The following PATJ variants were observed in gnomAD, a reference collection of about 807,000 sequenced individuals.
The protein encoded by PATJ is inaD-like protein.
A neutral mutation model predicts 224.9 loss-of-function variants in PATJ; 190 were observed. The ratio of observed to expected loss-of-function variants is 0.84; its 90% CI spans 0.75 to 0.95. The LOEUF is 0.95. Ranked by LOEUF, PATJ falls within the 40% of genes least tolerant of loss-of-function variation. The probability of loss-of-function intolerance (pLI) is 0.00; values close to 1 mark genes in which losing one functional copy is unlikely to be tolerated. For synonymous variants in PATJ, 769 were observed against 820.3 expected (o/e 0.94, Z 1.07); for missense variants, 2,121 against 2,270.3 (o/e 0.93, Z 1.34).
At chr1:61,900,226 T>A (rs1262785135) in intron 23 of PATJ, among the ~76,000 whole-genome samples, 2 of 152,216 alleles carry the variant, frequency 1.3e-5, no homozygotes, top group African/African-American at 4.8e-5. Flanking sequence ...TTAATGGATA[T>A]CTCCACCCAA....
At chr1:62,145,366 G>A (rs1441317515) in intron 41 of PATJ, among the ~76,000 whole-genome samples, 1 of 152,180 alleles carries the variant, frequency 6.6e-6, no homozygotes, top group Non-Finnish European at 1.5e-5. Flanking sequence ...AGTGATGGTG[G>A]TAAGAAGGAA....
intron 43 of PATJ, among the ~76,000 whole-genome samples, chr1:62,157,933 A>G (rs1041902526): frequency 9.4e-5 from 14 of 148,786 alleles, no homozygotes; most frequent in African/African-American, 3.4e-4. Context: ...TGACCTAAAC[A>G]CTTCAGCAAC....
intron 33 of PATJ, among the ~76,000 whole-genome samples, chr1:62,106,065 T>A (rs12164645): frequency 0.13 from 2,353 of 18,044 alleles, 155 homozygotes; most frequent in Non-Finnish European, 0.15. Flanking sequence ...AAAAAAAAAA[T>A]ATATATATAT....
At chr1:62,067,672 G>A (rs1375688621) in intron 31 of PATJ, among the ~76,000 whole-genome samples, 1 of 152,208 alleles carries the variant, frequency 6.6e-6, no homozygotes, top group African/African-American at 2.4e-5. Context: ...TTTTGCAAAG[G>A]CAGCTTCAGC....
intron 1 of PATJ, among the ~76,000 whole-genome samples, chr1:61,744,179 G>A (rs1210854491): frequency 2.0e-5 from 3 of 151,044 alleles, no homozygotes; most frequent in Non-Finnish European, 4.4e-5. Context: ...GGTGTGTCGG[G>A]AGGTTGAGGC....
chr1:61,977,214 C>A (rs547239860), intron 27 of PATJ, among the ~76,000 whole-genome samples: 1 of 151,968 alleles, frequency 6.6e-6, no homozygotes, highest in East Asian at 1.9e-4. Flanking sequence ...CAGCCACCCG[C>A]GGAGCTGGGA....
intron 33 of PATJ, among the ~76,000 whole-genome samples, chr1:62,104,618 A>G (rs1662657570): frequency 6.6e-6 from 1 of 152,148 alleles, no homozygotes; most frequent in African/African-American, 2.4e-5. Flanking sequence ...GCCGTTTTCT[A>G]TTGACAGGTC....
chr1:61,791,567 A>G (rs942751230), intron 9 of PATJ, 120 bp downstream of exon 9: 7 of 571,406 alleles, frequency 1.2e-5, no homozygotes, highest in Middle Eastern at 4.7e-4. Flanking sequence ...CCATGAGTCT[A>G]TACTAGCAAG....
At chr1:61,880,522 T>A (rs1667948344) in intron 21 of PATJ, among the ~76,000 whole-genome samples, 1 of 152,224 alleles carries the variant, frequency 6.6e-6, no homozygotes, top group African/African-American at 2.4e-5. Flanking sequence ...AGAACTTTTT[T>A]TCTTTGTTAC....
chr1:61,788,672 T>G (rs917455568), intron 8 of PATJ, among the ~76,000 whole-genome samples: 4 of 151,216 alleles, frequency 2.6e-5, no homozygotes, highest in African/African-American at 9.8e-5. Context: ...GTTTGTTTTG[T>G]TTTGTTTTGT....
chr1:61,833,846 G>A (rs1382819828), intron 17 of PATJ, 61 bp downstream of exon 17: 5 of 1,492,702 alleles, frequency 3.3e-6, no homozygotes, highest in African/African-American at 1.4e-5. Context: ...AAAGTTATGG[G>A]AAGTAGCAAT....
At chr1:61,938,675 C>T (rs985003852) in intron 27 of PATJ, among the ~76,000 whole-genome samples, 3 of 151,786 alleles carry the variant, frequency 2.0e-5, no homozygotes, top group African/African-American at 7.3e-5. Context: ...CATAGTGAGA[C>T]CTCATCTCTG....
At chr1:61,875,561 A>C (rs1219218924) in intron 21 of PATJ, 195 bp downstream of exon 21, 7 of 434,776 alleles carry the variant, frequency 1.6e-5, no homozygotes, top group Non-Finnish European at 2.9e-5. Context: ...TAGAGTTTTC[A>C]GATTCTGTTT....
intron 27 of PATJ, among the ~76,000 whole-genome samples, chr1:61,932,686 G>T (rs1294599337): frequency 6.6e-6 from 1 of 152,120 alleles, no homozygotes; most frequent in Non-Finnish European, 1.5e-5. Context: ...GATCACCTGA[G>T]GTCAGGAGTT....
chr1:62,117,385 G>A (rs1664556875), intron 37 of PATJ, 167 bp downstream of exon 37: 1 of 1,416,466 alleles, frequency 7.1e-7, no homozygotes, highest in Non-Finnish European at 9.2e-7. Flanking sequence ...AAGGTGGGAT[G>A]GAAATTCATT....
intron 21 of PATJ, among the ~76,000 whole-genome samples, chr1:61,876,930 T>C (rs1213280868): frequency 6.6e-6 from 1 of 152,260 alleles, no homozygotes; most frequent in Non-Finnish European, 1.5e-5. Flanking sequence ...TTTGCATAAT[T>C]AATAATGTAA....
At chr1:62,062,879 T>C (rs1655797590) in intron 31 of PATJ, among the ~76,000 whole-genome samples, 1 of 152,176 alleles carries the variant, frequency 6.6e-6, no homozygotes, top group Non-Finnish European at 1.5e-5. Flanking sequence ...TGTTGATTTG[T>C]TGAAGTTCCT....
At chr1:62,120,436 T>C (rs1664910743) in intron 37 of PATJ, among the ~76,000 whole-genome samples, 2 of 152,340 alleles carry the variant, frequency 1.3e-5, no homozygotes, top group South Asian at 4.1e-4. Flanking sequence ...CAGAATAATT[T>C]GGTAGAAAAA....
chr1:61,863,710 T>C (rs1325831999), intron 19 of PATJ, among the ~76,000 whole-genome samples: 3 of 152,258 alleles, frequency 2.0e-5, no homozygotes, highest in Non-Finnish European at 4.4e-5. Context: ...GATTTGTTAT[T>C]TTTTATATTA....
Sources: gnomAD v4.1 joint callset for allele counts (sites outside exome capture counted in the v4.1 genomes callset) on GRCh38, gnomAD v4.1.1 for gene constraint, MANE v1.5 for transcripts, NCBI Gene and HGNC (gene_info 2026-07-23, HGNC 2026-07-21) for gene names.